The following CREB5 variants were observed in gnomAD, a reference collection of about 807,000 sequenced individuals.
The protein encoded by CREB5 is cAMP responsive element binding protein 5.
CREB5 carries 19 observed loss-of-function variants against 57.1 expected under a neutral mutation model. The observed-to-expected ratio is 0.33, with a 90% confidence interval of 0.23 to 0.49. The LOEUF is 0.49. Among genes scored for constraint, CREB5 ranks in the 20% least tolerant of loss-of-function variants. The pLI is 0.99. For missense variants in CREB5, 579 were observed against 671.6 expected (o/e 0.86, Z 1.52); for synonymous variants, 238 against 238.3 (o/e 1.00, Z 0.01).
At chr7:28,551,651 G>A (rs1289756061) in intron 4 of CREB5, among the ~76,000 whole-genome samples, 2 of 152,188 alleles carry the variant, frequency 1.3e-5, no homozygotes, top group African/African-American at 4.8e-5. Flanking sequence ...AAAAAAGAAA[G>A]CTCTGAGTGG....
intron 4 of CREB5, among the ~76,000 whole-genome samples, chr7:28,528,648 G>A: frequency 7.0e-6 from 1 of 142,806 alleles, no homozygotes; most frequent in East Asian, 2.1e-4. Context: ...AGGTTGCAGT[G>A]AGCCGAGATC....
At chr7:28,331,197 A>G (rs1446955011) in intron 1 of CREB5, among the ~76,000 whole-genome samples, 1 of 151,834 alleles carries the variant, frequency 6.6e-6, no homozygotes, top group South Asian at 2.1e-4. Flanking sequence ...TTTTTTTATT[A>G]TCGCTACCTT....
At chr7:28,672,188 A>AACACACACACACAC (rs1554283304) in intron 5 of CREB5, among the ~76,000 whole-genome samples, 1 of 147,002 alleles carries the variant, frequency 6.8e-6, no homozygotes, top group African/African-American at 2.5e-5. Context: ...AAAAAAAAAA[A>AACACACACACACAC]ACACACACAC....
chr7:28,557,455 A>C (rs944576291), intron 4 of CREB5, among the ~76,000 whole-genome samples: 4 of 152,188 alleles, frequency 2.6e-5, no homozygotes, highest in Non-Finnish European at 5.9e-5. Context: ...TAAGAAAAAA[A>C]TAGAACCATT....
chr7:28,450,267 C>T (rs1463340707), intron 1 of CREB5, among the ~76,000 whole-genome samples: 1 of 152,098 alleles, frequency 6.6e-6, no homozygotes, highest in Non-Finnish European at 1.5e-5. Context: ...CCCGAGGGTA[C>T]TTATAATATG....
chr7:28,661,462 A>G (rs1006260284), intron 5 of CREB5, among the ~76,000 whole-genome samples: 1 of 132,406 alleles, frequency 7.6e-6, no homozygotes, highest in African/African-American at 2.9e-5. Context: ...CCCAGGCTCT[A>G]TGTACATGTC....
intron 1 of CREB5, among the ~76,000 whole-genome samples, chr7:28,396,592 G>T (rs889247177): frequency 6.6e-6 from 1 of 152,078 alleles, no homozygotes; most frequent in African/African-American, 2.4e-5. Flanking sequence ...ATGTCAGGAG[G>T]ATATTATTTA....
intron 4 of CREB5, among the ~76,000 whole-genome samples, chr7:28,528,655 G>T (rs780380982): frequency 7.6e-6 from 1 of 132,362 alleles, no homozygotes; most frequent in Non-Finnish European, 1.5e-5. Context: ...AGTGAGCCGA[G>T]ATCGCGCCAT....
At chr7:28,757,292 G>A (rs1019159915) in intron 7 of CREB5, among the ~76,000 whole-genome samples, 5 of 152,220 alleles carry the variant, frequency 3.3e-5, no homozygotes, top group South Asian at 2.1e-4. Flanking sequence ...CATTTAAACC[G>A]AGCAGCCACA....
chr7:28,495,142 C>A (rs2128598988), intron 3 of CREB5, 143 bp downstream of exon 3: 2 of 508,758 alleles, frequency 3.9e-6, no homozygotes, highest in South Asian at 4.9e-5. Context: ...GAAATATAAT[C>A]AGGTAATATT....
At position 28,505,890 on chromosome 7, in the gene CREB5, A is replaced by C. The variant is rs535366923; in HGVS notation, c.170-1726A>C. Among the ~76,000 whole-genome samples the C allele has an allele frequency of 3.9e-5, 6 of 152,344 alleles. No homozygotes were observed. In the South Asian group the frequency reaches 1.2e-3, roughly 32 times the overall value. On this transcript the variant is annotated intron_variant, in intron 3 of 10. Coordinates refer to ENST00000357727, the MANE Select transcript of CREB5 (RefSeq NM_182898.4). ...AGTTATATGTGTATATTAGGGACCT[A>C]GGTGTATATGTGTGCCTCTTAATAA...
chr7:28,688,945 A>G (rs1234790871), intron 5 of CREB5, among the ~76,000 whole-genome samples: 1 of 152,128 alleles, frequency 6.6e-6, no homozygotes, highest in African/African-American at 2.4e-5. Context: ...TGACTGACAG[A>G]GACAAGGCCA....
chr7:28,761,834 A>G (rs1805679609), intron 7 of CREB5, among the ~76,000 whole-genome samples: 1 of 152,104 alleles, frequency 6.6e-6, no homozygotes, highest in South Asian at 2.1e-4. Flanking sequence ...ATATGCCAAG[A>G]CTTGAGAAGA....
intron 4 of CREB5, among the ~76,000 whole-genome samples, chr7:28,545,891 G>T (rs748664448): frequency 3.3e-5 from 5 of 152,174 alleles, no homozygotes; most frequent in Non-Finnish European, 7.3e-5. Context: ...TCATTTTAAA[G>T]ATTTCTTTTT....
intron 1 of CREB5, among the ~76,000 whole-genome samples, chr7:28,463,819 T>C (rs1240116686): frequency 1.3e-5 from 2 of 152,200 alleles, no homozygotes; most frequent in Non-Finnish European, 1.5e-5. Context: ...CTTTTTTTAG[T>C]TGGATAATTC....
At chr7:28,368,071 G>A (rs1583401948) in intron 1 of CREB5, among the ~76,000 whole-genome samples, 2 of 152,110 alleles carry the variant, frequency 1.3e-5, no homozygotes, top group African/African-American at 4.8e-5. Flanking sequence ...TACTCCACTG[G>A]CTAAAACACT....
rs532422382 is a variant in CREB5, at chr7:28,427,316, A to G, written c.3+14399A>G. Among the ~76,000 whole-genome samples the G allele has an allele frequency of 2.4e-4, 37 of 152,318 alleles. No homozygotes were observed. The South Asian group carries it at 4.8e-3, about 20-fold the overall frequency. The stretch of plus-strand genomic sequence containing the variant: ...GTTTTCATGTCGCTACATAGTTTTC[A>G]AAACTATGATTATGCATAAGATTCC... On this transcript the variant is annotated intron_variant, in intron 1 of 10. Transcript: ENST00000357727.
intron 5 of CREB5, among the ~76,000 whole-genome samples, chr7:28,592,992 T>C (rs942255510): frequency 6.6e-6 from 1 of 152,222 alleles, no homozygotes; most frequent in African/African-American, 2.4e-5. Context: ...CAAACCCAAG[T>C]AGTGGGGTGT....
At chr7:28,304,570 T>C (rs1485492077) in intron 1 of CREB5, among the ~76,000 whole-genome samples, 2 of 152,186 alleles carry the variant, frequency 1.3e-5, no homozygotes, top group East Asian at 3.8e-4. Flanking sequence ...AACCACAAAC[T>C]TGTTCCTATC....
Sources: gnomAD v4.1 joint callset for allele counts (sites outside exome capture counted in the v4.1 genomes callset) on GRCh38, gnomAD v4.1.1 for gene constraint, MANE v1.5 for transcripts, NCBI Gene and HGNC (gene_info 2026-07-23, HGNC 2026-07-21) for gene names.